Variants in KLRG1 observed in about 807,000 individuals in gnomAD.
The protein encoded by KLRG1 is killer cell lectin like receptor G1.
Under a neutral mutation model 21.8 loss-of-function variants are expected in KLRG1, and 16 were observed. That is an observed-to-expected ratio of 0.73 (90% CI 0.50 to 1.11). The LOEUF is 1.11. KLRG1 is among the 50% of genes most tolerant of loss of function. KLRG1 has a pLI of 0.00. For synonymous variants in KLRG1, 69 were observed against 75.9 expected (o/e 0.91, Z 0.47); for missense variants, 173 against 218.3 (o/e 0.79, Z 1.31).
the KLRG1 span, among the ~76,000 whole-genome samples, chr12:9,019,432 G>T: frequency 1.3e-5 from 2 of 152,136 alleles, no homozygotes; most frequent in African/African-American, 4.8e-5. Context: ...ATACACAAAA[G>T]AAATGAAATC....
chr12:9,161,100 C>T, the KLRG1 span: 5 of 1,591,568 alleles, frequency 3.1e-6, no homozygotes, highest in Non-Finnish European at 4.3e-6. Context: ...AGGACAACTG[C>T]TCAGACACAT....
chr12:8,992,149 T>A (rs1946989697), intron 1 of KLRG1, 57 bp from the exon 2 acceptor site: 13 of 1,444,080 alleles, frequency 9.0e-6, no homozygotes, highest in Non-Finnish European at 1.2e-5. Flanking sequence ...CCTGACTTTC[T>A]CTTTTCTTTC....
the KLRG1 span, among the ~76,000 whole-genome samples, chr12:9,200,663 G>A: frequency 1.1e-4 from 17 of 152,094 alleles, no homozygotes; most frequent in Admixed American, 5.2e-4. Flanking sequence ...AACAAATGAT[G>A]GTGGTTTCAC....
At chr12:9,168,925 G>A in the KLRG1 span, 177 of 1,613,950 alleles carry the variant, frequency 1.1e-4, no homozygotes, top group Middle Eastern at 1.6e-4. Flanking sequence ...GACTGAACAC[G>A]ACTTTGGTTT....
At chr12:9,132,369 TAC>T in the KLRG1 span, among the ~76,000 whole-genome samples, 1 of 152,244 alleles carries the variant, frequency 6.6e-6, no homozygotes, top group Non-Finnish European at 1.5e-5. Context: ...TGAAACAACA[TAC>T]AGTGTTAAGT....
chr12:9,065,400 C>T, the KLRG1 span, among the ~76,000 whole-genome samples: 1 of 152,272 alleles, frequency 6.6e-6, no homozygotes, highest in African/African-American at 2.4e-5. Flanking sequence ...GGCTGCCTGG[C>T]TTCTCTCCAC....
the KLRG1 span, chr12:9,112,491 G>T: frequency 1.2e-6 from 2 of 1,613,688 alleles, 1 homozygote; most frequent in South Asian, 2.2e-5. Flanking sequence ...CCTTTCACTT[G>T]GACAGTGAGG....
upstream of KLRG1, among the ~76,000 whole-genome samples, chr12:8,987,948 CTT>C (rs935155278): frequency 3.9e-5 from 6 of 152,182 alleles, no homozygotes; most frequent in Admixed American, 6.5e-5. Context: ...ATTGATGACT[CTT>C]TTTGGCAATG....
chr12:9,035,048 A>G, the KLRG1 span, among the ~76,000 whole-genome samples: 12 of 132,952 alleles, frequency 9.0e-5, no homozygotes, highest in Admixed American at 9.2e-4. Context: ...ATTAAATAGA[A>G]AAAAACTTAT....
At chr12:9,032,927 C>G in the KLRG1 span, among the ~76,000 whole-genome samples, 4 of 152,140 alleles carry the variant, frequency 2.6e-5, no homozygotes, top group African/African-American at 9.7e-5. Context: ...CACCAACTAT[C>G]CTTTAAAACC....
chr12:9,101,236 A>C, the KLRG1 span: 1 of 1,549,674 alleles, frequency 6.5e-7, no homozygotes, highest in Non-Finnish European at 8.7e-7. Flanking sequence ...AAAGAAATTA[A>C]ATGTGCCAGA....
At chr12:8,968,111 T>G (rs1191916205) in intron 1 of KLRG1, among the ~76,000 whole-genome samples, 1 of 151,960 alleles carries the variant, frequency 6.6e-6, no homozygotes, top group Non-Finnish European at 1.5e-5. Context: ...ATACAGAAGA[T>G]AAATGCAAAG....
At chr12:9,137,261 C>T in the KLRG1 span, among the ~76,000 whole-genome samples, 6 of 152,062 alleles carry the variant, frequency 3.9e-5, no homozygotes, top group African/African-American at 1.4e-4. Context: ...ATACAGTTTT[C>T]TCCACACCAT....
At chr12:9,081,135 G>C in the KLRG1 span, among the ~76,000 whole-genome samples, 1 of 151,952 alleles carries the variant, frequency 6.6e-6, no homozygotes, top group African/African-American at 2.4e-5. Flanking sequence ...ATATTCAACA[G>C]ATAAAGAATT....
the KLRG1 span, among the ~76,000 whole-genome samples, chr12:9,185,257 C>A: frequency 1.3e-5 from 2 of 152,164 alleles, no homozygotes; most frequent in Non-Finnish European, 2.9e-5. Context: ...CAGAGCTGAA[C>A]AACAGTCTAC....
At chr12:9,153,933 A>C in the KLRG1 span, among the ~76,000 whole-genome samples, 1 of 152,228 alleles carries the variant, frequency 6.6e-6, no homozygotes, top group African/African-American at 2.4e-5. Context: ...AGAAAAATAC[A>C]TTTTCAAGAG....
At chr12:9,170,296 C>T in the KLRG1 span, among the ~76,000 whole-genome samples, 1 of 152,130 alleles carries the variant, frequency 6.6e-6, no homozygotes, top group Non-Finnish European at 1.5e-5. This position sits in a 1 kb window ranked among gnomAD's most constrained non-coding sequence, Gnocchi z 4.6. Flanking sequence ...TCAGGAGATA[C>T]CCTTGTGAGC....
chr12:8,955,193 G>A (rs917199669), intron 1 of KLRG1, among the ~76,000 whole-genome samples: 6 of 151,922 alleles, frequency 3.9e-5, no homozygotes, highest in South Asian at 2.1e-4. Context: ...GATTACAGGC[G>A]TGAGCCACTG....
chr12:9,172,200 A>G, the KLRG1 span, among the ~76,000 whole-genome samples: 1 of 152,248 alleles, frequency 6.6e-6, no homozygotes, highest in Non-Finnish European at 1.5e-5. Flanking sequence ...ACATTCTAAA[A>G]GAAAATAATT....
Sources: allele counts gnomAD v4.1 joint callset (sites outside exome capture counted in the v4.1 genomes callset), GRCh38; gene constraint gnomAD v4.1.1; non-coding constraint Gnocchi (gnomAD v3.1); transcripts MANE v1.5; gene names NCBI Gene and HGNC (gene_info 2026-07-23, HGNC 2026-07-21).